Variants in FGF12 observed in about 807,000 individuals in gnomAD.
FGF12 encodes the protein fibroblast growth factor 12, also known as fibroblast growth factor 12B.
In FGF12, 14 loss-of-function variants were observed where a neutral mutation model predicts 23.6. That is an observed-to-expected ratio of 0.59 (90% CI 0.39 to 0.93). The LOEUF is 0.93. Among genes scored for constraint, FGF12 ranks in the 40% least tolerant of loss-of-function variants. FGF12 has a pLI of 0.00. For missense variants in FGF12, 175 were observed against 217.8 expected (o/e 0.80, Z 1.24); for synonymous variants, 62 against 77.3 (o/e 0.80, Z 1.04).
chr3:192,239,640 T>C (rs145235036), intron 4 of FGF12, among the ~76,000 whole-genome samples: 322 of 152,294 alleles, frequency 2.1e-3, no homozygotes, highest in Non-Finnish European at 3.7e-3. Context: ...TAGATTCTCA[T>C]AGGAGCATGA....
At chr3:192,249,977 G>T (rs1041439745) in intron 4 of FGF12, among the ~76,000 whole-genome samples, 4 of 152,158 alleles carry the variant, frequency 2.6e-5, no homozygotes, top group African/African-American at 9.6e-5. Flanking sequence ...CTAACTAGAA[G>T]ACAAGAGTGC....
intron 2 of FGF12, among the ~76,000 whole-genome samples, chr3:192,438,967 C>T (rs946897946): frequency 4.6e-5 from 7 of 152,196 alleles, no homozygotes; most frequent in African/African-American, 1.7e-4. Context: ...CCCACCTTGT[C>T]CTGAACTGCA....
intron 2 of FGF12, among the ~76,000 whole-genome samples, chr3:192,682,283 A>G (rs1233347319): frequency 6.6e-6 from 1 of 152,158 alleles, no homozygotes; most frequent in Non-Finnish European, 1.5e-5. Context: ...GCTGGTGCAC[A>G]CACAGTCATG....
rs1722777621 is a variant in FGF12 at position 192,459,163 on chromosome 3, G to C, written c.14-98625C>G. ...ATGTGAAAACAGGCTAATACATGCAGAGACTTCATCTTGTCTATTTTTGTA... is the reference window on the plus strand; with the variant it reads ...ATGTGAAAACAGGCTAATACATGCACAGACTTCATCTTGTCTATTTTTGTA... On this transcript the variant is annotated intron_variant, in intron 2 of 5. Transcript: ENST00000445105. Among the ~76,000 whole-genome samples the C allele has an allele frequency of 2.0e-5, 3 of 152,164 alleles. No homozygotes were observed. The South Asian group carries it at 6.2e-4, about 31-fold the overall frequency.
chr3:192,339,073 C>G (rs939022613), intron 3 of FGF12, among the ~76,000 whole-genome samples: 2 of 152,098 alleles, frequency 1.3e-5, no homozygotes, highest in African/African-American at 4.8e-5. Flanking sequence ...TTATATGAAC[C>G]ACAACATGAT....
At chr3:192,249,618 T>C (rs1420275661) in intron 4 of FGF12, among the ~76,000 whole-genome samples, 3 of 152,054 alleles carry the variant, frequency 2.0e-5, no homozygotes, top group Non-Finnish European at 4.4e-5. Context: ...CTAGGGAACA[T>C]TGATTGTTTT....
intron 2 of FGF12, among the ~76,000 whole-genome samples, chr3:192,671,776 AACACAC>A (rs3044660): frequency 0.47 from 70,083 of 149,336 alleles, 16,418 homozygotes; most frequent in East Asian, 0.65. Flanking sequence ...CTTCTTGACC[AACACAC>A]ACACACACAC....
chr3:192,689,884 A>T (rs1717887465), intron 2 of FGF12, among the ~76,000 whole-genome samples: 1 of 152,082 alleles, frequency 6.6e-6, no homozygotes, highest in Non-Finnish European at 1.5e-5. Flanking sequence ...TTAAGAACTA[A>T]GAAAGAACTT....
chr3:192,628,296 A>C (rs1047921271), intron 2 of FGF12, among the ~76,000 whole-genome samples: 2 of 152,088 alleles, frequency 1.3e-5, no homozygotes, highest in Non-Finnish European at 1.5e-5. Context: ...ATTTTAGATA[A>C]AGCTGCTATG....
At chr3:192,450,173 C>A (rs1211086829) in intron 2 of FGF12, among the ~76,000 whole-genome samples, 1 of 152,062 alleles carries the variant, frequency 6.6e-6, no homozygotes, top group Non-Finnish European at 1.5e-5. Flanking sequence ...ACCAAGATAC[C>A]CTTTCCAGGA....
At chr3:192,158,085 T>C (rs1262759957) in intron 5 of FGF12, among the ~76,000 whole-genome samples, 1 of 152,172 alleles carries the variant, frequency 6.6e-6, no homozygotes, top group African/African-American at 2.4e-5. Flanking sequence ...TGTGTAAATA[T>C]GCTGAAAAAC....
chr3:192,276,379 A>C (rs962262542), intron 4 of FGF12, among the ~76,000 whole-genome samples: 1 of 152,186 alleles, frequency 6.6e-6, no homozygotes, highest in Admixed American at 6.5e-5. Flanking sequence ...CATCCAGCGC[A>C]AATCACAATG....
intron 2 of FGF12, among the ~76,000 whole-genome samples, chr3:192,459,625 C>T (rs1433802382): frequency 6.6e-6 from 1 of 152,134 alleles, no homozygotes; most frequent in Non-Finnish European, 1.5e-5. Context: ...TGTCTTTGGG[C>T]ACATTGCATA....
chr3:192,384,217 G>A (rs1719947188), intron 2 of FGF12, among the ~76,000 whole-genome samples: 3 of 152,050 alleles, frequency 2.0e-5, no homozygotes, highest in Admixed American at 2.0e-4. Flanking sequence ...AAAAAGATGA[G>A]GTAGAAGTGA....
intron 2 of FGF12, among the ~76,000 whole-genome samples, chr3:192,573,631 T>C (rs1462534274): frequency 6.6e-6 from 1 of 152,082 alleles, no homozygotes; most frequent in Admixed American, 6.6e-5. Flanking sequence ...TGAGCCAATT[T>C]CTTATAATAA....
intron 2 of FGF12, among the ~76,000 whole-genome samples, chr3:192,487,078 C>G (rs1240340805): frequency 1.3e-5 from 2 of 152,034 alleles, no homozygotes; most frequent in Non-Finnish European, 2.9e-5. Context: ...CTGGCTGGAG[C>G]TGAGTAGTAG....
chr3:192,184,729 A>G (rs1450638449), intron 4 of FGF12, among the ~76,000 whole-genome samples: 1 of 152,250 alleles, frequency 6.6e-6, no homozygotes, highest in African/African-American at 2.4e-5. Context: ...GAAAGTTGGC[A>G]AGTGCCTTCC....
At chr3:192,225,020 C>T (rs1718662267) in intron 4 of FGF12, among the ~76,000 whole-genome samples, 1 of 152,052 alleles carries the variant, frequency 6.6e-6, no homozygotes, top group Non-Finnish European at 1.5e-5. Flanking sequence ...CTTGCCCATC[C>T]TTACTACAGG....
At chr3:192,167,772 AT>A (rs368951795) in intron 5 of FGF12, among the ~76,000 whole-genome samples, 288 of 15,342 alleles carry the variant, frequency 0.019, 16 homozygotes, top group Middle Eastern at 0.062. Context: ...TATATATAAA[AT>A]TTTTTTTTTT....
Sources: allele counts gnomAD v4.1 joint callset (sites outside exome capture counted in the v4.1 genomes callset), GRCh38; gene constraint gnomAD v4.1.1; transcripts MANE v1.5; gene names NCBI Gene and HGNC (gene_info 2026-07-23, HGNC 2026-07-21).